Variants in FOXP2 observed in about 807,000 individuals in gnomAD.
FOXP2 encodes forkhead box protein P2.
In FOXP2, 12 loss-of-function variants were observed where a neutral mutation model predicts 115.8. The observed-to-expected ratio is 0.10, with a 90% CI of 0.07 to 0.17. The LOEUF is 0.17. FOXP2 is among the 10% of genes least tolerant of loss of function. The probability of loss-of-function intolerance (pLI) is 1.00; values close to 1 mark genes in which losing one functional copy is unlikely to be tolerated. For missense variants in FOXP2, 629 were observed against 843.5 expected (o/e 0.75, Z 3.15); for synonymous variants, 328 against 297.7 (o/e 1.10, Z -1.05).
intron 2 of FOXP2, among the ~76,000 whole-genome samples, chr7:114,379,421 C>T (rs555294075): frequency 9.2e-5 from 14 of 152,094 alleles, no homozygotes; most frequent in Non-Finnish European, 1.9e-4. Flanking sequence ...CTCAGTACCC[C>T]CTCTCAACAG....
rs116898169 is a variant in FOXP2, at chr7:114,524,935, T to C, written c.169-9682T>C. ...GTAGGGGTTGTATCTCACAATACAT[T>C]CATGAAATTATATATCCCTTCCCTT... On this transcript the variant is annotated intron_variant, in intron 2 of 16. Coordinates refer to ENST00000350908, the MANE Select transcript of FOXP2 (RefSeq NM_014491.4). Among the ~76,000 whole-genome samples, 543 of 152,246 alleles carry C rather than the reference T, an allele frequency of 3.6e-3. 5 individuals are homozygous for C. The Middle Eastern group carries it at 0.088, about 25-fold the overall frequency.
chr7:114,269,825 A>G (rs1795990327), intron 1 of FOXP2, among the ~76,000 whole-genome samples: 1 of 152,160 alleles, frequency 6.6e-6, no homozygotes, highest in Non-Finnish European at 1.5e-5. Flanking sequence ...ACAATTTTGT[A>G]TCAAAGATTA....
At chr7:114,413,510 G>T (rs1793218953), upstream of FOXP2, among the ~76,000 whole-genome samples, 2 of 151,938 alleles carry the variant, frequency 1.3e-5, no homozygotes, top group South Asian at 2.1e-4. Flanking sequence ...CTTTTAATGA[G>T]TGAATTATTT....
chr7:114,169,128 G>GC (rs1320591472), intron 1 of FOXP2, among the ~76,000 whole-genome samples: 2 of 148,216 alleles, frequency 1.3e-5, no homozygotes, highest in East Asian at 4.0e-4. Flanking sequence ...TGGGGTCAGA[G>GC]CCCCCACACA....
At chr7:114,506,697 T>A (rs866906555) in intron 2 of FOXP2, among the ~76,000 whole-genome samples, 1 of 151,742 alleles carries the variant, frequency 6.6e-6, no homozygotes, top group Non-Finnish European at 1.5e-5. Flanking sequence ...ATATTTCACA[T>A]TTATTGCAAC....
intron 2 of FOXP2, among the ~76,000 whole-genome samples, chr7:114,330,808 C>T (rs910492065): frequency 2.0e-5 from 3 of 151,998 alleles, no homozygotes; most frequent in Admixed American, 6.6e-5. Context: ...TTTATAGTTT[C>T]GATGCCACAC....
At chr7:114,206,567 A>G (rs1794207055) in intron 1 of FOXP2, among the ~76,000 whole-genome samples, 1 of 152,096 alleles carries the variant, frequency 6.6e-6, no homozygotes, top group Non-Finnish European at 1.5e-5. Flanking sequence ...TTCATCTGTC[A>G]TGTCACTGTA....
chr7:114,128,427 T>G (rs1277817633), intron 1 of FOXP2, among the ~76,000 whole-genome samples: 1 of 151,862 alleles, frequency 6.6e-6, no homozygotes, highest in Admixed American at 6.6e-5. Flanking sequence ...AATTTCTTTT[T>G]TTTTTTTTTG....
intron 2 of FOXP2, among the ~76,000 whole-genome samples, chr7:114,393,776 T>C (rs998562581): frequency 6.6e-6 from 1 of 152,028 alleles, no homozygotes; most frequent in Non-Finnish European, 1.5e-5. Context: ...ACACAGGGAA[T>C]TGATCACATA....
intron 1 of FOXP2, among the ~76,000 whole-genome samples, chr7:114,219,841 A>C (rs1197081824): frequency 6.6e-6 from 1 of 151,296 alleles, no homozygotes; most frequent in Admixed American, 6.6e-5. Flanking sequence ...TAATTCTGTG[A>C]GGGTTTTTTT....
chr7:114,192,184 A>G (rs1051105382), intron 1 of FOXP2, among the ~76,000 whole-genome samples: 2 of 57,506 alleles, frequency 3.5e-5, no homozygotes, highest in Non-Finnish European at 1.2e-4. Context: ...ACGGGGTTTC[A>G]CCATGTTGGC....
rs574621669 is a variant in FOXP2, at chr7:114,646,638, T to C, written c.1094+1849T>C. On this transcript the variant is annotated intron_variant, in intron 8 of 16. Coordinates refer to ENST00000350908, the MANE Select transcript of FOXP2 (RefSeq NM_014491.4). ...GCCTTTTTTTAGTCCATTTTTATTT[T>C]GATATGCTTTAGATTCACTAACTCA... 4.6e-5 allele frequency among the ~76,000 whole-genome samples: 7 copies of C among 152,168 alleles called. No individual in the cohort carries two copies. In the South Asian group the frequency reaches 6.2e-4, roughly 14 times the overall value.
Position 114,664,408 on chromosome 7 carries a change from A to C in FOXP2, c.1975A>C (p.Ser659Arg). ...LDHIDSNGNS[S>R]PGCSPQPHIH... ...TCACATTGACAGCAATGGAAACAGT[A>C]GTCCGGGCTGCTCACCTCAGCCGCA... is the stretch of plus-strand genomic sequence containing the variant. Residue 659 changes from serine (S) to arginine (R), a missense_variant, in exon 16 of 17, where the codon AGT becomes CGT. Transcript: ENST00000350908. The C allele has an allele frequency of 6.2e-7, 1 of 1,613,558 alleles. No homozygotes were observed. Among genetic ancestry groups the C allele is most frequent in the Non-Finnish European group, 8.5e-7 (1 of 1,179,650 alleles).
intron 1 of FOXP2, among the ~76,000 whole-genome samples, chr7:114,418,082 T>G (rs1793428314): frequency 6.6e-6 from 1 of 152,018 alleles, no homozygotes; most frequent in South Asian, 2.1e-4. Context: ...ATACTCATGA[T>G]TGAGCTGATA....
At chr7:114,652,112 T>A (rs1806295226) in intron 8 of FOXP2, 91 bp from the exon 9 acceptor site, 1 of 1,175,172 alleles carries the variant, frequency 8.5e-7, no homozygotes. Context: ...CACAGAAACA[T>A]CTGACTTCAG....
chr7:114,690,373 T>C lies in FOXP2; in HGVS notation c.*447T>C, dbSNP rs571333408. The C allele has an allele frequency of 2.2e-6, 1 of 454,152 alleles. No individual in the cohort carries two copies. Among genetic ancestry groups the C allele is most frequent in the South Asian group, 1.6e-5 (1 of 64,468 alleles). The allele number at this position is 454,152 out of a possible 1,614,324, so 28.1% of individuals were successfully genotyped here. ...CAGTAGTTGTAATGTTAGAAACAAT[T>C]GCTGGTCAAGTTCAACTTGTTGCTA... On this transcript the variant is annotated 3_prime_UTR_variant, in exon 17 of 17. Coordinates refer to ENST00000350908, the MANE Select transcript of FOXP2 (RefSeq NM_014491.4).
intron 16 of FOXP2, chr7:114,669,036 CTTT>C (rs1217917758): frequency 6.6e-6 from 1 of 151,888 alleles, no homozygotes; most frequent in Non-Finnish European, 1.5e-5. Context: ...GTAGACTATA[CTTT>C]TTAAGTTTTA....
intron 3 of FOXP2, among the ~76,000 whole-genome samples, chr7:114,562,738 C>T (rs1213346635): frequency 6.6e-6 from 1 of 151,054 alleles, no homozygotes; most frequent in Admixed American, 6.6e-5. Context: ...TTCATATGTC[C>T]ATATTAGTTT....
At chr7:114,336,661 A>C (rs1369837356) in intron 2 of FOXP2, among the ~76,000 whole-genome samples, 1 of 151,488 alleles carries the variant, frequency 6.6e-6, no homozygotes, top group Non-Finnish European at 1.5e-5. Flanking sequence ...ATAAGAGAAA[A>C]ATTTAAATAA....
Sources: allele counts gnomAD v4.1 joint callset (sites outside exome capture counted in the v4.1 genomes callset), GRCh38; gene constraint gnomAD v4.1.1; transcripts MANE v1.5; gene names NCBI Gene and HGNC (gene_info 2026-07-23, HGNC 2026-07-21).